The following KCND3 variants were observed in gnomAD, a reference collection of about 807,000 sequenced individuals.
KCND3 encodes potassium voltage-gated channel subfamily D member 3, also known as A-type voltage-gated potassium channel KCND3.
KCND3 carries 9 observed loss-of-function variants against 51.1 expected under a neutral mutation model. The ratio of observed to expected loss-of-function variants is 0.18; its 90% confidence interval spans 0.11 to 0.31. KCND3 has a LOEUF of 0.31. Among genes scored for constraint, KCND3 ranks in the 10% least tolerant of loss-of-function variants. The pLI, the probability that KCND3 is intolerant of heterozygous loss-of-function variation, is 1.00. For synonymous variants in KCND3, 349 were observed against 368.0 expected, an observed-to-expected ratio of 0.95 and a Z score of 0.59; for missense variants, 526 against 903.8, an observed-to-expected ratio of 0.58 and a Z score of 5.36.
chr1:111,899,974 T>C (rs1386627436), intron 2 of KCND3, among the ~76,000 whole-genome samples: 1 of 152,168 alleles, frequency 6.6e-6, no homozygotes, highest in African/African-American at 2.4e-5. Flanking sequence ...TCACGGGCAC[T>C]GATCGGGGCA....
intron 2 of KCND3, among the ~76,000 whole-genome samples, chr1:111,899,138 A>T (rs1240851802): frequency 6.6e-6 from 1 of 152,124 alleles, no homozygotes; most frequent in Non-Finnish European, 1.5e-5. Flanking sequence ...CCCCACAGTG[A>T]CTACAAGGGT....
At chr1:111,863,833 C>T (rs1429724337) in intron 2 of KCND3, among the ~76,000 whole-genome samples, 2 of 152,118 alleles carry the variant, frequency 1.3e-5, no homozygotes, top group African/African-American at 2.4e-5. Flanking sequence ...AGCTGAAAGA[C>T]AACTGAGTAA....
intron 2 of KCND3, among the ~76,000 whole-genome samples, chr1:111,875,597 C>T (rs549509390): frequency 3.1e-4 from 47 of 152,334 alleles, no homozygotes; most frequent in Non-Finnish European, 6.0e-4. Flanking sequence ...CTCTGTGTTC[C>T]TTCCCGGGAT....
At chr1:111,877,373 A>G (rs1252098882) in intron 2 of KCND3, among the ~76,000 whole-genome samples, 1 of 152,220 alleles carries the variant, frequency 6.6e-6, no homozygotes, top group Non-Finnish European at 1.5e-5. Context: ...CTTTCAGTTC[A>G]TGTGCACCTA....
intron 2 of KCND3, among the ~76,000 whole-genome samples, chr1:111,870,905 G>A (rs892402992): frequency 6.6e-6 from 1 of 152,206 alleles, no homozygotes; most frequent in African/African-American, 2.4e-5. Flanking sequence ...GGATATAACA[G>A]TAGGGATATA....
intron 3 of KCND3, 65 bp downstream of exon 3, chr1:111,786,879 G>T (rs1165863448): frequency 6.3e-7 from 1 of 1,592,282 alleles, no homozygotes; most frequent in Non-Finnish European, 8.6e-7. Flanking sequence ...TCTAGTCCTG[G>T]CTCCCTGACT....
At chr1:111,829,713 T>C (rs1666748089) in intron 2 of KCND3, among the ~76,000 whole-genome samples, 1 of 152,146 alleles carries the variant, frequency 6.6e-6, no homozygotes, top group South Asian at 2.1e-4. Context: ...GTCAGACCTA[T>C]ATAACCCAGC....
intron 2 of KCND3, among the ~76,000 whole-genome samples, chr1:111,965,766 C>T (rs1673947429): frequency 6.6e-6 from 1 of 152,074 alleles, no homozygotes; most frequent in Admixed American, 6.5e-5. Flanking sequence ...TTGCACTTGA[C>T]TCCTGCTTGT....
intron 2 of KCND3, among the ~76,000 whole-genome samples, chr1:111,904,865 G>A (rs1670569541): frequency 6.6e-6 from 1 of 152,202 alleles, no homozygotes; most frequent in Non-Finnish European, 1.5e-5. Context: ...GTAGACTCAG[G>A]ATGCACTTGG....
intron 2 of KCND3, among the ~76,000 whole-genome samples, chr1:111,883,230 G>A (rs942791690): frequency 2.0e-5 from 3 of 152,230 alleles, no homozygotes; most frequent in Non-Finnish European, 4.4e-5. Context: ...GCTTTCATCC[G>A]TGACTTCACT....
chr1:111,827,008 A>G (rs1045657269), intron 2 of KCND3, among the ~76,000 whole-genome samples: 1 of 152,094 alleles, frequency 6.6e-6, no homozygotes, highest in Admixed American at 6.5e-5. Context: ...CAAATCCAAT[A>G]CTCCACTGAG....
chr1:111,809,711 A>G (rs1665760777), intron 2 of KCND3, among the ~76,000 whole-genome samples: 1 of 152,184 alleles, frequency 6.6e-6, no homozygotes, highest in Non-Finnish European at 1.5e-5. Flanking sequence ...GCTTGCATGC[A>G]TGCACCAACC....
chr1:111,931,545 A>C (rs1430609440), intron 2 of KCND3, among the ~76,000 whole-genome samples: 1 of 152,184 alleles, frequency 6.6e-6, no homozygotes, highest in Non-Finnish European at 1.5e-5. Flanking sequence ...AAATCCTAGC[A>C]TATCATTTAC....
intron 2 of KCND3, among the ~76,000 whole-genome samples, chr1:111,861,586 A>C (rs1668341964): frequency 6.6e-6 from 1 of 152,106 alleles, no homozygotes; most frequent in African/African-American, 2.4e-5. Context: ...GGGTGGCAGG[A>C]GGGGGCCCAC....
At chr1:111,787,895 G>A (rs1664675357) in intron 2 of KCND3, among the ~76,000 whole-genome samples, 1 of 152,186 alleles carries the variant, frequency 6.6e-6, no homozygotes, top group Non-Finnish European at 1.5e-5. Context: ...TACATGGACT[G>A]CTCTCATTTG....
At chr1:111,845,846 C>T (rs1667523238) in intron 2 of KCND3, among the ~76,000 whole-genome samples, 1 of 152,180 alleles carries the variant, frequency 6.6e-6, no homozygotes, top group African/African-American at 2.4e-5. Flanking sequence ...ACCCACTAAC[C>T]CCACTGCCTC....
intron 2 of KCND3, among the ~76,000 whole-genome samples, chr1:111,958,047 CT>C (rs979034364): frequency 6.6e-6 from 1 of 152,170 alleles, no homozygotes; most frequent in African/African-American, 2.4e-5. Flanking sequence ...GCAGGAATCA[CT>C]AGTACTTTTC....
intron 2 of KCND3, among the ~76,000 whole-genome samples, chr1:111,803,006 G>A (rs1309759871): frequency 6.6e-6 from 1 of 152,252 alleles, no homozygotes; most frequent in Non-Finnish European, 1.5e-5. Flanking sequence ...CTGAGGCTGT[G>A]TGGGGTGAGG....
chr1:111,861,808 CT>C, intron 2 of KCND3, among the ~76,000 whole-genome samples: 1 of 152,206 alleles, frequency 6.6e-6, no homozygotes, highest in Admixed American at 6.5e-5. Flanking sequence ...GAAATTCTTC[CT>C]TATGCCATCT....
Sources: gnomAD v4.1 joint callset for allele counts (sites outside exome capture counted in the v4.1 genomes callset) on GRCh38, gnomAD v4.1.1 for gene constraint, MANE v1.5 for transcripts, NCBI Gene and HGNC (gene_info 2026-07-23, HGNC 2026-07-21) for gene names.